MINDY3: variants seen among roughly 807,000 people sequenced by gnomAD.
MINDY3 encodes ubiquitin carboxyl-terminal hydrolase MINDY-3.
In MINDY3, 38 loss-of-function variants were observed where a neutral mutation model predicts 69.2. The ratio of observed to expected loss-of-function variants is 0.55; its 90% CI spans 0.42 to 0.72. The LOEUF (loss-of-function observed/expected upper bound fraction) is 0.72. MINDY3 is among the 30% of genes least tolerant of loss of function. The pLI is 0.00. For synonymous variants in MINDY3, 192 were observed against 180.1 expected, an observed-to-expected ratio of 1.07 and a Z score of -0.53; for missense variants, 522 against 519.0, an observed-to-expected ratio of 1.01 and a Z score of -0.06.
chr10:15,833,486 C>T (rs922063832), intron 8 of MINDY3, 144 bp downstream of exon 8: 1 of 519,456 alleles, frequency 1.9e-6, no homozygotes, highest in South Asian at 4.2e-5. Flanking sequence ...ATTATGGTGC[C>T]TTGAAAACTG....
At position 15,838,287 on chromosome 10, in the gene MINDY3, TAA is replaced by T; in HGVS notation, c.410-10_410-9del. 1.3e-6 allele frequency: 2 copies of T among 1,599,092 alleles called. No individual in the cohort carries two copies. Among genetic ancestry groups the T allele is most frequent in the Non-Finnish European group, 1.7e-6 (2 of 1,174,304 alleles). ...CTTCGACAGCCAAGGCAGCTATACA[TAA>T]AAGACACTTTTCAGCACTACACATG... On this transcript the variant is annotated splice_polypyrimidine_tract_variant and intron_variant, in intron 4 of 14. Coordinates refer to ENST00000277632, the MANE Select transcript of MINDY3 (RefSeq NM_024948.4).
intron 10 of MINDY3, among the ~76,000 whole-genome samples, chr10:15,815,259 C>G (rs1839275999): frequency 6.6e-6 from 1 of 152,160 alleles, no homozygotes; most frequent in South Asian, 2.1e-4. Flanking sequence ...ATAGCAAAAG[C>G]TTTCAAACTA....
intron 13 of MINDY3, chr10:15,782,471 T>TA (rs1836622797): frequency 2.5e-6 from 1 of 403,602 alleles, no homozygotes; most frequent in South Asian, 5.4e-5. Context: ...TCTTCAGAAC[T>TA]AACTTATTTT....
At chr10:15,802,847 A>G (rs1324641703) in intron 10 of MINDY3, among the ~76,000 whole-genome samples, 1 of 152,150 alleles carries the variant, frequency 6.6e-6, no homozygotes, top group Non-Finnish European at 1.5e-5. Flanking sequence ...TTTTGGTCTC[A>G]GTCATATACT....
chr10:15,805,733 C>G (rs1386173825), intron 10 of MINDY3, among the ~76,000 whole-genome samples: 1 of 152,162 alleles, frequency 6.6e-6, no homozygotes, highest in African/African-American at 2.4e-5. Flanking sequence ...GTGCCACTAT[C>G]TGGTTTGGCC....
chr10:15,838,475 C>T (rs567846401), intron 4 of MINDY3, among the ~76,000 whole-genome samples, 196 bp from the exon 5 acceptor site: 3 of 151,646 alleles, frequency 2.0e-5, no homozygotes, highest in South Asian at 2.1e-4. Context: ...TAACTAAAAT[C>T]GATATAATAC....
chr10:15,855,876 A>G (rs1363988764), intron 1 of MINDY3, among the ~76,000 whole-genome samples: 1 of 152,172 alleles, frequency 6.6e-6, no homozygotes, highest in Non-Finnish European at 1.5e-5. Context: ...AAGCTGTAAA[A>G]TATAGTACAA....
chr10:15,858,312 T>G (rs1411111405), intron 1 of MINDY3, among the ~76,000 whole-genome samples: 1 of 152,186 alleles, frequency 6.6e-6, no homozygotes, highest in African/African-American at 2.4e-5. Flanking sequence ...TGTTAAAGAA[T>G]TTCTGCATGA....
intron 8 of MINDY3, among the ~76,000 whole-genome samples, chr10:15,825,833 A>G (rs1840048735): frequency 6.6e-6 from 1 of 152,176 alleles, no homozygotes; most frequent in South Asian, 2.1e-4. Context: ...GACTGGCTGT[A>G]ATACTGATTT....
intron 5 of MINDY3, 141 bp from the exon 6 acceptor site, chr10:15,837,459 T>G: frequency 7.7e-7 from 1 of 1,302,264 alleles, no homozygotes; most frequent in Non-Finnish European, 1.1e-6. Flanking sequence ...AATTTTTCAT[T>G]ACAAATTTAG....
At chr10:15,853,236 G>T (rs1219370783) in intron 1 of MINDY3, among the ~76,000 whole-genome samples, 1 of 151,816 alleles carries the variant, frequency 6.6e-6, no homozygotes, top group African/African-American at 2.4e-5. Context: ...GAAGTTTAAG[G>T]TCTCCAAGTC....
intron 2 of MINDY3, among the ~76,000 whole-genome samples, chr10:15,843,634 T>A (rs1053902402): frequency 1.3e-5 from 2 of 152,118 alleles, no homozygotes; most frequent in Non-Finnish European, 2.9e-5. Flanking sequence ...TCATTTAGAT[T>A]CCTTCAGGTA....
intron 9 of MINDY3, 76 bp downstream of exon 9, chr10:15,821,580 C>G (rs1367391182): frequency 9.1e-7 from 1 of 1,101,562 alleles, no homozygotes; most frequent in Non-Finnish European, 1.4e-6. Context: ...AATGTGCTGT[C>G]AGAGGAACAA....
intron 3 of MINDY3, among the ~76,000 whole-genome samples, chr10:15,841,981 A>T (rs7097989): frequency 9.2e-5 from 14 of 151,370 alleles, no homozygotes; most frequent in African/African-American, 3.4e-4. Context: ...TGAAACCTCT[A>T]TTTTTTTTCC....
chr10:15,847,183 G>A (rs1833910937), intron 2 of MINDY3, among the ~76,000 whole-genome samples: 2 of 152,104 alleles, frequency 1.3e-5, no homozygotes, highest in South Asian at 4.1e-4. Context: ...GACATCATCA[G>A]TATTACAGTA....
chr10:15,858,134 C>A (rs985379551), intron 1 of MINDY3, among the ~76,000 whole-genome samples: 1 of 152,284 alleles, frequency 6.6e-6, no homozygotes, highest in African/African-American at 2.4e-5. Flanking sequence ...AACAGGACCC[C>A]TCTGATTCAG....
At chr10:15,810,261 C>T (rs1262003374) in intron 10 of MINDY3, among the ~76,000 whole-genome samples, 1 of 152,036 alleles carries the variant, frequency 6.6e-6, no homozygotes. Context: ...TACTTTAAGT[C>T]CTAAAAGTAA....
chr10:15,820,943 CT>C (rs987217794), intron 9 of MINDY3, among the ~76,000 whole-genome samples: 6 of 152,196 alleles, frequency 3.9e-5, no homozygotes, highest in African/African-American at 1.4e-4. Flanking sequence ...GACCCTGTCT[CT>C]ATTTAAAAAA....
chr10:15,857,085 C>G (rs1280068141), intron 1 of MINDY3, among the ~76,000 whole-genome samples: 22 of 152,138 alleles, frequency 1.4e-4, no homozygotes, highest in Admixed American at 1.4e-3. Flanking sequence ...TTCTAATGGC[C>G]TAGAAAGCTT....
Sources: allele counts gnomAD v4.1 joint callset (sites outside exome capture counted in the v4.1 genomes callset), GRCh38; gene constraint gnomAD v4.1.1; transcripts MANE v1.5; gene names NCBI Gene and HGNC (gene_info 2026-07-23, HGNC 2026-07-21).